RREB1: variants seen among roughly 807,000 people sequenced by gnomAD.
RREB1 encodes the protein ras responsive element binding protein 1, also known as ras-responsive element-binding protein 1.
In RREB1, 27 loss-of-function variants were observed where a neutral mutation model predicts 117.8. That is an observed-to-expected ratio of 0.23 (90% confidence interval 0.17 to 0.32). The LOEUF (loss-of-function observed/expected upper bound fraction) is 0.32. Ranked by LOEUF, RREB1 falls within the 10% of genes least tolerant of loss-of-function variation. RREB1 has a pLI of 1.00. For synonymous variants in RREB1, 1,298 were observed against 1,026.7 expected (o/e 1.26, Z -5.05); for missense variants, 2,577 against 2,378.2 (o/e 1.08, Z -1.74).
At chr6:7,129,330 A>G (rs607465) in intron 1 of RREB1, among the ~76,000 whole-genome samples, 14,747 of 152,246 alleles carry the variant, frequency 0.097, 942 homozygotes, top group African/African-American at 0.17. Context: ...GCAAGGTGGA[A>G]GGTGGGGCAG....
intron 12 of RREB1, 52 bp downstream of exon 12, chr6:7,247,273 A>G (rs1212859027): frequency 6.5e-7 from 1 of 1,529,486 alleles, no homozygotes. Flanking sequence ...CGAGCCGGGC[A>G]CCTCTCCTAG....
At chr6:7,206,931 A>G (rs773973174) in intron 6 of RREB1, among the ~76,000 whole-genome samples, 1 of 152,212 alleles carries the variant, frequency 6.6e-6, no homozygotes, top group African/African-American at 2.4e-5. Context: ...GTGCTCCACT[A>G]TTGAAGTCTA....
intron 1 of RREB1, among the ~76,000 whole-genome samples, chr6:7,159,363 T>C (rs1763537626): frequency 6.6e-6 from 1 of 152,194 alleles, no homozygotes; most frequent in Admixed American, 6.5e-5. Context: ...AACCTGATAG[T>C]CATCATTCAG....
intron 1 of RREB1, among the ~76,000 whole-genome samples, chr6:7,143,371 A>G (rs482393): frequency 0.14 from 20,803 of 152,188 alleles, 1,552 homozygotes; most frequent in African/African-American, 0.18. Context: ...TAATCAGGCT[A>G]TGGTCGTTCA....
chr6:7,145,975 TTC>T (rs898775271), intron 1 of RREB1, among the ~76,000 whole-genome samples: 14 of 145,450 alleles, frequency 9.6e-5, no homozygotes, highest in South Asian at 4.2e-4. Flanking sequence ...TCCTCTCTCT[TTC>T]TCTCTCTCTC....
At chr6:7,141,255 G>A (rs905869) in intron 1 of RREB1, among the ~76,000 whole-genome samples, 13,554 of 152,194 alleles carry the variant, frequency 0.089, 774 homozygotes, top group African/African-American at 0.15. Flanking sequence ...GGGGCTCGGT[G>A]TTCGTTCGCG....
Position 7,231,669 on chromosome 6 carries a change from C to T in RREB1, c.3570C>T (p.Thr1190=), listed in dbSNP as rs546171700. ...AGAAGATGCTGGCCACCACAGACAC[C>T]AACAAGTTCAGTCCGTTTCTGCAGA... is the stretch of plus-strand genomic sequence containing the variant. ...SIEKMLATTD[T]NKFSPFLQTA... The change falls in exon 10 of 13, where the codon ACC becomes ACT. Residue 1190 remains threonine (T), a synonymous_variant. Coordinates refer to ENST00000379938, the MANE Select transcript of RREB1 (RefSeq NM_001003699.4). 1 of 1,611,392 alleles carries T rather than the reference C, an allele frequency of 6.2e-7. No homozygotes were observed. Among genetic ancestry groups the T allele is most frequent in the East Asian group, 2.2e-5 (1 of 44,794 alleles).
intron 1 of RREB1, among the ~76,000 whole-genome samples, chr6:7,143,285 G>A (rs984596249): frequency 2.0e-5 from 3 of 152,202 alleles, no homozygotes; most frequent in African/African-American, 7.2e-5. Context: ...TTGGAACTCT[G>A]ACAGTTTTCA....
At chr6:7,200,885 G>A (rs1030017092) in intron 6 of RREB1, among the ~76,000 whole-genome samples, 1 of 152,168 alleles carries the variant, frequency 6.6e-6, no homozygotes, top group African/African-American at 2.4e-5. Flanking sequence ...GTCAGTTTGT[G>A]TTTTGGAAAG....
chr6:7,222,564 C>G (rs1163922367), intron 8 of RREB1, among the ~76,000 whole-genome samples: 2 of 152,262 alleles, frequency 1.3e-5, no homozygotes, highest in East Asian at 3.9e-4. Context: ...GCCTTCATCA[C>G]CTACTACGTA....
At chr6:7,206,507 C>T (rs948837353) in intron 6 of RREB1, among the ~76,000 whole-genome samples, 3 of 152,248 alleles carry the variant, frequency 2.0e-5, no homozygotes, top group African/African-American at 7.2e-5. Flanking sequence ...AGCAATTTAG[C>T]AGATACTTAC....
chr6:7,173,868 T>C (rs1412414474), intron 1 of RREB1, among the ~76,000 whole-genome samples: 1 of 152,132 alleles, frequency 6.6e-6, no homozygotes, highest in Admixed American at 6.5e-5. Flanking sequence ...ATCTTTCATC[T>C]CTTCATTGCT....
intron 1 of RREB1, among the ~76,000 whole-genome samples, chr6:7,152,147 T>C (rs544735735): frequency 1.3e-5 from 2 of 152,326 alleles, no homozygotes; most frequent in South Asian, 4.1e-4. Flanking sequence ...TGCTGAGTTT[T>C]TTAGCTGTGT....
Position 7,223,694 on chromosome 6 carries a change from A to T in RREB1, c.708-2773A>T, listed in dbSNP as rs181564312. Among the ~76,000 whole-genome samples the T allele has an allele frequency of 2.6e-5, 4 of 152,314 alleles. No homozygotes were observed. The East Asian group carries it at 7.7e-4, about 29-fold the overall frequency. On this transcript the variant is annotated intron_variant, in intron 8 of 12. Transcript: ENST00000379938. ...GCACATTACATATATGCAAATACATATGTACATAAATACATATACTACCTA... is the reference window on the plus strand; with the variant it reads ...GCACATTACATATATGCAAATACATTTGTACATAAATACATATACTACCTA...
intron 11 of RREB1, among the ~76,000 whole-genome samples, chr6:7,242,123 G>C (rs1768743270): frequency 6.6e-6 from 1 of 152,224 alleles, no homozygotes; most frequent in Admixed American, 6.5e-5. Context: ...AAAGCAGCCG[G>C]TAACTGAGGG....
At chr6:7,248,127 C>T (rs922646954) in intron 12 of RREB1, among the ~76,000 whole-genome samples, 6 of 152,232 alleles carry the variant, frequency 3.9e-5, no homozygotes, top group African/African-American at 1.4e-4. Context: ...ACTGGTGCCC[C>T]CGACCTAGGT....
intron 1 of RREB1, among the ~76,000 whole-genome samples, chr6:7,116,279 GC>G (rs1761393379): frequency 6.6e-6 from 1 of 152,006 alleles, no homozygotes; most frequent in African/African-American, 2.4e-5. Flanking sequence ...GATTCTTACT[GC>G]CTCCTGTTGC....
chr6:7,218,787 T>G (rs1320213220), intron 8 of RREB1: 1 of 145,858 alleles, frequency 6.9e-6, no homozygotes, highest in Non-Finnish European at 1.5e-5. Flanking sequence ...TTTATCACAC[T>G]GCATTTCTAT....
intron 1 of RREB1, among the ~76,000 whole-genome samples, chr6:7,109,042 C>T (rs1384824146): frequency 2.0e-5 from 3 of 150,714 alleles, no homozygotes; most frequent in Non-Finnish European, 3.0e-5. Flanking sequence ...GTGGGGGGCT[C>T]GGCGCCGTCA....
Sources: allele counts gnomAD v4.1 joint callset (sites outside exome capture counted in the v4.1 genomes callset), GRCh38; gene constraint gnomAD v4.1.1; transcripts MANE v1.5; gene names NCBI Gene and HGNC (gene_info 2026-07-23, HGNC 2026-07-21).